Variants in NXPE2 observed in about 807,000 individuals in gnomAD.
NXPE2 encodes the protein NXPE family member 2.
NXPE2 carries 34 observed loss-of-function variants against 34.4 expected under a neutral mutation model. The observed-to-expected ratio is 0.99, with a 90% CI of 0.75 to 1.31. The LOEUF (loss-of-function observed/expected upper bound fraction) is 1.31, where lower values mean the gene tolerates loss of function less well. NXPE2 is among the 40% of genes most tolerant of loss of function. NXPE2 has a pLI of 0.00. For missense variants in NXPE2, 649 were observed against 672.5 expected (o/e 0.97, Z 0.39); for synonymous variants, 235 against 231.3 (o/e 1.02, Z -0.15).
chr11:114,611,821 C>T, the NXPE2 span, among the ~76,000 whole-genome samples: 1 of 151,742 alleles, frequency 6.6e-6, no homozygotes, highest in East Asian at 1.9e-4. Flanking sequence ...CCACTGTTAC[C>T]CGGTGGATAA....
the NXPE2 span, among the ~76,000 whole-genome samples, chr11:114,542,330 A>G: frequency 6.6e-6 from 1 of 152,190 alleles, no homozygotes; most frequent in East Asian, 1.9e-4. Flanking sequence ...TTCTAATGAA[A>G]ACATTAGAAT....
the NXPE2 span, among the ~76,000 whole-genome samples, chr11:114,733,857 T>C: frequency 6.6e-6 from 1 of 152,252 alleles, no homozygotes; most frequent in Admixed American, 6.5e-5. Flanking sequence ...TCCTCTCACA[T>C]GCTTTAGACA....
the NXPE2 span, among the ~76,000 whole-genome samples, chr11:114,516,247 T>C: frequency 0.22 from 33,090 of 151,858 alleles, 4,887 homozygotes; most frequent in African/African-American, 0.41. Context: ...CAAAAGCTCC[T>C]GGACCAGATC....
upstream of NXPE2, among the ~76,000 whole-genome samples, chr11:114,677,389 A>T (rs767447941): frequency 7.2e-5 from 11 of 152,088 alleles, no homozygotes; most frequent in Non-Finnish European, 1.6e-4. Context: ...ATACACTGTA[A>T]ACACATACAT....
rs367916231 is a variant in NXPE2 at position 114,698,234 on chromosome 11, A to G, written c.322A>G (p.Ser108Gly). The stretch of plus-strand genomic sequence containing the variant: ...TTTCACCCATGTGAATACCACCACC[A>G]GTGCCACACACAGCACAGCCACCAT... Reference protein sequence around the residue: ...RPFTHVNTTTSATHSTATILN... With the variant: ...RPFTHVNTTTGATHSTATILN... Residue 108 changes from serine (S) to glycine (G), a missense_variant, in exon 3 of 6, where the codon AGT becomes GGT. Ser to Gly is a moderately conservative substitution (Grantham distance 56). Transcript: ENST00000389586. 26 of 1,613,826 alleles carry G rather than the reference A, an allele frequency of 1.6e-5. No individual in the cohort carries two copies. In the African/African-American group the frequency reaches 3.1e-4, roughly 19 times the overall value.
the NXPE2 span, among the ~76,000 whole-genome samples, chr11:114,729,807 C>A: frequency 6.6e-6 from 1 of 152,054 alleles, no homozygotes; most frequent in African/African-American, 2.4e-5. Context: ...CGATATTGGG[C>A]CTTTGTTAGA....
At chr11:114,735,652 G>A in the NXPE2 span, among the ~76,000 whole-genome samples, 1 of 152,166 alleles carries the variant, frequency 6.6e-6, no homozygotes, top group African/African-American at 2.4e-5. Context: ...TGTGCTAACT[G>A]CTTTTCCTCA....
chr11:114,675,548 AT>A (rs1950849057), upstream of NXPE2, among the ~76,000 whole-genome samples: 1 of 151,906 alleles, frequency 6.6e-6, no homozygotes. Flanking sequence ...AAACAATTTA[AT>A]TTAATATAGC....
the NXPE2 span, among the ~76,000 whole-genome samples, chr11:114,517,561 C>A: frequency 4.6e-5 from 7 of 152,160 alleles, no homozygotes; most frequent in African/African-American, 1.7e-4. Flanking sequence ...TCTAGATACA[C>A]AGAGATACAG....
chr11:114,563,849 G>A, the NXPE2 span, among the ~76,000 whole-genome samples: 9 of 152,084 alleles, frequency 5.9e-5, no homozygotes, highest in East Asian at 1.5e-3. Context: ...TAGTGAAAAG[G>A]GAACACTTTT....
the NXPE2 span, among the ~76,000 whole-genome samples, chr11:114,614,240 C>T: frequency 6.6e-6 from 1 of 151,894 alleles, no homozygotes; most frequent in Non-Finnish European, 1.5e-5. Context: ...TGGGTAACCA[C>T]TGTTACCCTG....
chr11:114,569,974 T>C, the NXPE2 span, among the ~76,000 whole-genome samples: 2 of 152,116 alleles, frequency 1.3e-5, no homozygotes, highest in Non-Finnish European at 1.5e-5. Context: ...CTTACCTTCC[T>C]ACATGGCTGC....
In NXPE2 at chr11:114,683,427, T is replaced by TG. The variant is rs1191023531; in HGVS notation, c.132+3665_132+3666insG. Among the ~76,000 whole-genome samples the TG allele has an allele frequency of 2.6e-5, 4 of 150,966 alleles. No individual in the cohort carries two copies. The East Asian group carries it at 7.8e-4, about 29-fold the overall frequency. ...ATAGTAACCTTTATAGAGTCAAAGT[T>TG]TTTTTTTTTTTTGAGATGGAGTCTT... On this transcript the variant is annotated intron_variant, in intron 2 of 5. Coordinates refer to ENST00000389586, the MANE Select transcript of NXPE2 (RefSeq NM_182495.6).
At chr11:114,510,385 C>T in the NXPE2 span, among the ~76,000 whole-genome samples, 1 of 152,144 alleles carries the variant, frequency 6.6e-6, no homozygotes, top group Non-Finnish European at 1.5e-5. Flanking sequence ...AGGTGCACAC[C>T]ACCATGCCCA....
the NXPE2 span, chr11:114,513,175 CA>C: frequency 1.8e-6 from 1 of 553,148 alleles, no homozygotes. Flanking sequence ...TCCTATGTCC[CA>C]AGTGGTCTCT....
At chr11:114,680,336 G>A (rs933059998) in intron 2 of NXPE2, among the ~76,000 whole-genome samples, 11 of 152,072 alleles carry the variant, frequency 7.2e-5, no homozygotes, top group Non-Finnish European at 1.2e-4. Flanking sequence ...TTCGAGGCCC[G>A]TTTACATTTG....
chr11:114,634,769 G>A, the NXPE2 span, among the ~76,000 whole-genome samples: 3 of 151,982 alleles, frequency 2.0e-5, no homozygotes, highest in Non-Finnish European at 2.9e-5. Context: ...AGATCAGATA[G>A]TTGTAGATAT....
At chr11:114,575,832 C>T in the NXPE2 span, among the ~76,000 whole-genome samples, 1 of 152,210 alleles carries the variant, frequency 6.6e-6, no homozygotes, top group South Asian at 2.1e-4. Flanking sequence ...TCATTCTTCA[C>T]AGAACTAGAA....
At chr11:114,478,549 T>C in the NXPE2 span, among the ~76,000 whole-genome samples, 1 of 152,188 alleles carries the variant, frequency 6.6e-6, no homozygotes, top group African/African-American at 2.4e-5. Flanking sequence ...ACAGTACTTA[T>C]AATCTGAAAT....
Sources: allele counts gnomAD v4.1 joint callset (sites outside exome capture counted in the v4.1 genomes callset), GRCh38; gene constraint gnomAD v4.1.1; transcripts MANE v1.5; gene names NCBI Gene and HGNC (gene_info 2026-07-23, HGNC 2026-07-21).